SEMA3D: variants seen among roughly 807,000 people sequenced by gnomAD.
SEMA3D encodes semaphorin-3D.
In SEMA3D, 84 loss-of-function variants were observed where a neutral mutation model predicts 100.1. The ratio of observed to expected loss-of-function variants is 0.84; its 90% CI spans 0.70 to 1.01. SEMA3D has a LOEUF of 1.01. Among genes scored for constraint, SEMA3D ranks in the 50% least tolerant of loss-of-function variants. The pLI, the probability that SEMA3D is intolerant of heterozygous loss-of-function variation, is 0.00. For missense variants in SEMA3D, 875 were observed against 934.1 expected (o/e 0.94, Z 0.82); for synonymous variants, 312 against 320.7 (o/e 0.97, Z 0.29).
At chr7:85,007,357 A>G (rs1056550914) in intron 17 of SEMA3D, among the ~76,000 whole-genome samples, 5 of 151,808 alleles carry the variant, frequency 3.3e-5, no homozygotes, top group Non-Finnish European at 7.4e-5. Context: ...GATAATTTCT[A>G]TCATGAATTG....
intron 9 of SEMA3D, among the ~76,000 whole-genome samples, chr7:85,042,953 G>C (rs1376438473): frequency 6.6e-6 from 1 of 152,048 alleles, no homozygotes; most frequent in Non-Finnish European, 1.5e-5. Context: ...ATTATTTATA[G>C]GATTAAAAAC....
chr7:85,158,503 C>A (rs1341911216), intron 1 of SEMA3D, among the ~76,000 whole-genome samples: 1 of 152,142 alleles, frequency 6.6e-6, no homozygotes, highest in Admixed American at 6.5e-5. Flanking sequence ...AACTCTAGTT[C>A]CTGATAAGAT....
intron 3 of SEMA3D, among the ~76,000 whole-genome samples, chr7:85,099,088 G>A (rs189267854): frequency 1.8e-4 from 28 of 152,030 alleles, no homozygotes; most frequent in Admixed American, 1.4e-3. Context: ...GGACATCTTC[G>A]TTGTTTCCAA....
chr7:85,171,828 G>T (rs985555010), intron 1 of SEMA3D, among the ~76,000 whole-genome samples: 2 of 151,828 alleles, frequency 1.3e-5, no homozygotes, highest in African/African-American at 4.8e-5. Context: ...AAACAAAAAT[G>T]AACTTTGAAT....
chr7:85,041,370 T>C (rs1328760278), intron 10 of SEMA3D: 1 of 152,072 alleles, frequency 6.6e-6, no homozygotes, highest in Non-Finnish European at 1.5e-5. Context: ...CTCATTTACC[T>C]ATTTGGTAAC....
rs928020635 is a variant in SEMA3D, at chr7:85,068,648, T to C, written c.496-364A>G. Among the ~76,000 whole-genome samples the C allele has an allele frequency of 2.0e-5, 3 of 152,174 alleles. 1 individual carries two copies. Among genetic ancestry groups the C allele is most frequent in the Non-Finnish European group, 1.5e-5 (1 of 68,012 alleles). Reference sequence around the variant, plus strand: ...ATTGAGCCTAATAAAACCAACTTCATCTTTTAAGAAATAGATTTGCTATAA... The same window carrying C: ...ATTGAGCCTAATAAAACCAACTTCACCTTTTAAGAAATAGATTTGCTATAA... On this transcript the variant is annotated intron_variant, in intron 6 of 18. Coordinates refer to ENST00000284136, the MANE Select transcript of SEMA3D (RefSeq NM_001384900.1).
intron 8 of SEMA3D, among the ~76,000 whole-genome samples, chr7:85,062,987 C>G (rs1047726379): frequency 1.3e-5 from 2 of 152,182 alleles, no homozygotes; most frequent in Admixed American, 1.3e-4. Flanking sequence ...TTTAGCCTCA[C>G]TTCTACCTCC....
chr7:85,220,886 A>G, the SEMA3D span, among the ~76,000 whole-genome samples: 4 of 152,264 alleles, frequency 2.6e-5, no homozygotes, highest in African/African-American at 9.6e-5. Flanking sequence ...GCCCAACTAC[A>G]TAGAATCATG....
intron 1 of SEMA3D, among the ~76,000 whole-genome samples, chr7:85,164,054 T>C (rs1254117894): frequency 6.6e-6 from 1 of 152,124 alleles, no homozygotes; most frequent in African/African-American, 2.4e-5. Flanking sequence ...TTGGAAAACT[T>C]TTCAAAATGC....
At chr7:85,086,299 T>G (rs1029419078) in intron 4 of SEMA3D, among the ~76,000 whole-genome samples, 3 of 151,926 alleles carry the variant, frequency 2.0e-5, no homozygotes, top group African/African-American at 7.3e-5. Context: ...TTGTGGTGGA[T>G]TTTTTTTCTT....
chr7:85,149,625 G>A (rs1422704975), intron 2 of SEMA3D, among the ~76,000 whole-genome samples: 1 of 152,118 alleles, frequency 6.6e-6, no homozygotes, highest in Non-Finnish European at 1.5e-5. Flanking sequence ...ATAATGGACT[G>A]AGAAAAATCA....
intron 2 of SEMA3D, chr7:85,144,583 A>T: frequency 1.0e-6 from 1 of 985,160 alleles, no homozygotes; most frequent in Non-Finnish European, 1.2e-6. Flanking sequence ...TTCCGTGAGG[A>T]TCTTTATCAG....
At chr7:85,141,628 C>T (rs1790054487) in intron 2 of SEMA3D, 3 of 984,338 alleles carry the variant, frequency 3.0e-6, no homozygotes. Flanking sequence ...GGCACATATT[C>T]TTTCACCCAT....
intron 17 of SEMA3D, among the ~76,000 whole-genome samples, chr7:85,011,704 T>A (rs915707260): frequency 6.6e-6 from 1 of 151,770 alleles, no homozygotes; most frequent in Non-Finnish European, 1.5e-5. Flanking sequence ...CTAACTAAAA[T>A]AACGGACATC....
intron 2 of SEMA3D, among the ~76,000 whole-genome samples, chr7:85,147,087 C>CTTTTTTTTTTTT (rs1583966727): frequency 5.4e-5 from 3 of 55,762 alleles, no homozygotes; most frequent in African/African-American, 2.7e-4. Flanking sequence ...TTTTCTTTTT[C>CTTTTTTTTTTTT]TTTTCTTTTT....
At chr7:85,021,626 A>C (rs1290873995) in intron 13 of SEMA3D, among the ~76,000 whole-genome samples, 3 of 151,778 alleles carry the variant, frequency 2.0e-5, no homozygotes, top group Non-Finnish European at 4.4e-5. Flanking sequence ...ATTCTAATAA[A>C]AAGTCTTGTT....
At chr7:85,074,638 T>TATA (rs574180314) in intron 5 of SEMA3D, among the ~76,000 whole-genome samples, 1 of 129,556 alleles carries the variant, frequency 7.7e-6, no homozygotes, top group African/African-American at 3.6e-5. Context: ...TATATATATA[T>TATA]TTTTTTTTTT....
chr7:85,217,511 T>C, the SEMA3D span, among the ~76,000 whole-genome samples: 3 of 151,952 alleles, frequency 2.0e-5, no homozygotes, highest in African/African-American at 7.2e-5. Flanking sequence ...CAAGGGACAA[T>C]GAAGAAGGAT....
At chr7:85,196,075 A>G in the SEMA3D span, among the ~76,000 whole-genome samples, 1 of 152,226 alleles carries the variant, frequency 6.6e-6, no homozygotes, top group South Asian at 2.1e-4. Context: ...AATTTGTGAG[A>G]CAAAGATACA....
Sources: allele counts gnomAD v4.1 joint callset (sites outside exome capture counted in the v4.1 genomes callset), GRCh38; gene constraint gnomAD v4.1.1; transcripts MANE v1.5; gene names NCBI Gene and HGNC (gene_info 2026-07-23, HGNC 2026-07-21).